The following PCDHGA7 variants were observed in gnomAD, a reference collection of about 807,000 sequenced individuals.
PCDHGA7 encodes the protein protocadherin gamma-A7.
PCDHGA7 carries 44 observed loss-of-function variants against 58.3 expected under a neutral mutation model. The observed-to-expected ratio is 0.75, with a 90% confidence interval of 0.59 to 0.97. The LOEUF (loss-of-function observed/expected upper bound fraction) is 0.97. PCDHGA7 is among the 50% of genes least tolerant of loss of function. PCDHGA7 has a pLI of 0.00. For missense variants in PCDHGA7, 1,266 were observed against 1,188.7 expected (o/e 1.06, Z -0.96); for synonymous variants, 516 against 504.2 (o/e 1.02, Z -0.31).
intron 1 of PCDHGA7, among the ~76,000 whole-genome samples, chr5:141,483,997 T>G (rs2099590025): frequency 8.6e-5 from 6 of 69,516 alleles, no homozygotes; most frequent in East Asian, 4.4e-4. Context: ...TGCTGGGAGG[T>G]CTGGATGAGG....
intron 2 of PCDHGA7, among the ~76,000 whole-genome samples, chr5:141,496,040 AT>A (rs2099765531): frequency 1.3e-5 from 2 of 150,356 alleles, no homozygotes; most frequent in Admixed American, 6.6e-5. Flanking sequence ...TCTGTCTCTC[AT>A]TTTTTTGTGC....
At chr5:141,460,159 T>A (rs1313260289) in intron 1 of PCDHGA7, among the ~76,000 whole-genome samples, 3 of 152,260 alleles carry the variant, frequency 2.0e-5, no homozygotes, top group Non-Finnish European at 1.5e-5. Context: ...CTTTGTCACA[T>A]ACATATTTTG....
rs1410460145 is a variant in PCDHGA7 at position 141,490,798 on chromosome 5, C to T, written c.2425-4009C>T. On this transcript the variant is annotated intron_variant, in intron 1 of 3. Coordinates refer to ENST00000518325, the MANE Select transcript of PCDHGA7 (RefSeq NM_018920.4). The surrounding 1 kb of genome is among the most constrained non-coding windows in gnomAD (Gnocchi z 5.4). The stretch of plus-strand genomic sequence containing the variant: ...AGAGGATGGACGGATCTTTGCCCAG[C>T]GTACCTTTGACTATGAATTGCTGCA... 9.3e-6 allele frequency: 15 copies of T among 1,613,808 alleles called. No individual in the cohort carries two copies. Among genetic ancestry groups the T allele is most frequent in the Admixed American group, 6.7e-5 (4 of 60,002 alleles).
chr5:141,510,420 G>T (rs1275392355), intron 3 of PCDHGA7, among the ~76,000 whole-genome samples: 3 of 152,126 alleles, frequency 2.0e-5, no homozygotes, highest in African/African-American at 7.2e-5. Flanking sequence ...TAAAGCCATG[G>T]TTTCATGGCT....
intron 1 of PCDHGA7, among the ~76,000 whole-genome samples, chr5:141,482,914 A>G (rs1023561837): frequency 6.6e-6 from 1 of 152,162 alleles, no homozygotes; most frequent in Non-Finnish European, 1.5e-5. Context: ...TCTATTAAAA[A>G]TACAAAAAAT....
At chr5:141,466,574 T>C (rs978880367) in intron 1 of PCDHGA7, among the ~76,000 whole-genome samples, 5 of 152,218 alleles carry the variant, frequency 3.3e-5, no homozygotes, top group Non-Finnish European at 5.9e-5. Flanking sequence ...CAACATTGTC[T>C]CATCCCTTCT....
At position 141,511,426 on chromosome 5, in the gene PCDHGA7, G is replaced by C. The variant is rs2099883789; in HGVS notation, c.*253G>C. 2.5e-6 allele frequency: 2 copies of C among 798,652 alleles called. No homozygotes were observed. The highest frequency in any genetic ancestry group is 3.8e-6 in the Non-Finnish European group (2 of 529,972). 49.5% of individuals were successfully genotyped at this position (798,652 alleles called of 1,614,324 possible). ...CAACTGCTGTACCCATGGGGGTAGTGGGGTTACTGTAGACACCAAGAACCA... is the reference window on the plus strand; with the variant it reads ...CAACTGCTGTACCCATGGGGGTAGTCGGGTTACTGTAGACACCAAGAACCA... On this transcript the variant is annotated 3_prime_UTR_variant, in exon 4 of 4. Transcript: ENST00000518325.
chr5:141,490,938 C>A lies in PCDHGA7; in HGVS notation c.2425-3869C>A. 1.2e-6 allele frequency: 2 copies of A among 1,613,672 alleles called. No individual in the cohort carries two copies. Among genetic ancestry groups the A allele is most frequent in the Non-Finnish European group, 1.7e-6 (2 of 1,179,760 alleles). On this transcript the variant is annotated intron_variant, in intron 1 of 3. Coordinates refer to ENST00000518325, the MANE Select transcript of PCDHGA7 (RefSeq NM_018920.4). The surrounding 1 kb of genome is among the most constrained non-coding windows in gnomAD (Gnocchi z 5.4). ...ATGATAATGCCCCAGCTGTGCTGCA[C>A]CCACGGCCAGACTGGGAACACTCAG... is the stretch of plus-strand genomic sequence containing the variant.
chr5:141,504,474 G>A (rs903417314), intron 2 of PCDHGA7, among the ~76,000 whole-genome samples: 1 of 152,066 alleles, frequency 6.6e-6, no homozygotes, highest in African/African-American at 2.4e-5. Context: ...TGGGATGGGA[G>A]TACAGTGGAG....
rs369595307 is a variant in PCDHGA7, at chr5:141,394,005, A to G, written c.2424+8682A>G. On this transcript the variant is annotated intron_variant, in intron 1 of 3. Coordinates refer to ENST00000518325, the MANE Select transcript of PCDHGA7 (RefSeq NM_018920.4). ...TTTACCTTTTAAATTAGAAAAGTCA[A>G]TAGGTAATTATTATAGATTAGTGAC... 52 of 1,613,340 alleles carry G rather than the reference A, an allele frequency of 3.2e-5. No individual in the cohort carries two copies. In the African/African-American group the frequency reaches 5.6e-4, roughly 17 times the overall value.
chr5:141,437,156 G>T (rs2097864365), intron 1 of PCDHGA7, among the ~76,000 whole-genome samples: 1 of 152,172 alleles, frequency 6.6e-6, no homozygotes, highest in African/African-American at 2.4e-5. Context: ...TAACATATGT[G>T]TTGATTGTTT....
intron 1 of PCDHGA7, among the ~76,000 whole-genome samples, chr5:141,429,629 C>G (rs2097230011): frequency 1.3e-5 from 2 of 152,160 alleles, no homozygotes; most frequent in Admixed American, 1.3e-4. Flanking sequence ...TATTTTCTCA[C>G]AGCTACCTAT....
chr5:141,400,454 T>C (rs779993462), intron 1 of PCDHGA7: 1 of 1,614,096 alleles, frequency 6.2e-7, no homozygotes, highest in Non-Finnish European at 8.5e-7. Flanking sequence ...CAAGACATAC[T>C]TTGTGGTGAT....
At chr5:141,472,668 C>T (rs2099292239) in intron 1 of PCDHGA7, among the ~76,000 whole-genome samples, 1 of 151,742 alleles carries the variant, frequency 6.6e-6, no homozygotes, top group African/African-American at 2.4e-5. Context: ...ATCCTGTATA[C>T]TGGTCCTTCC....
chr5:141,481,427 T>C lies in PCDHGA7; in HGVS notation c.2425-13380T>C, dbSNP rs79272909. Reference sequence around the variant, plus strand: ...TTGTATAATTAGATTGTGATGATGATTGTATCAGTTTAGTACATGTAAATA... The same window carrying C: ...TTGTATAATTAGATTGTGATGATGACTGTATCAGTTTAGTACATGTAAATA... On this transcript the variant is annotated intron_variant, in intron 1 of 3. Transcript: ENST00000518325. Among the ~76,000 whole-genome samples the C allele has an allele frequency of 6.0e-3, 907 of 152,334 alleles. 5 individuals are homozygous for C. Among genetic ancestry groups the C allele is most frequent in the African/African-American group, 0.02 (840 of 41,578 alleles).
chr5:141,403,766 G>A (rs1371539458), intron 1 of PCDHGA7: 2 of 1,613,864 alleles, frequency 1.2e-6, no homozygotes, highest in East Asian at 2.2e-5. Context: ...CCTGGATGAG[G>A]GAATCAACGG....
intron 1 of PCDHGA7, chr5:141,415,797 C>G (rs940812419): frequency 3.9e-5 from 52 of 1,331,434 alleles, no homozygotes; most frequent in Non-Finnish European, 4.8e-5. Context: ...TTCACCTAGT[C>G]TCAATCAAGG....
In PCDHGA7 at chr5:141,487,259, T is replaced by A. The variant is rs2099641960; in HGVS notation, c.2425-7548T>A. 1.9e-6 allele frequency: 3 copies of A among 1,614,014 alleles called. No individual in the cohort carries two copies. The highest frequency in any genetic ancestry group is 1.3e-5 in the African/African-American group (1 of 74,926). ...TCGTCTAACCCTCTACTTGGCTGTGTCCCTAGTGGCAATTTGCTTTGTCTC... is the reference window on the plus strand; with the variant it reads ...TCGTCTAACCCTCTACTTGGCTGTGACCCTAGTGGCAATTTGCTTTGTCTC... On this transcript the variant is annotated intron_variant, in intron 1 of 3. Coordinates refer to ENST00000518325, the MANE Select transcript of PCDHGA7 (RefSeq NM_018920.4). The surrounding 1 kb of genome is among the most constrained non-coding windows in gnomAD (Gnocchi z 5.0).
At chr5:141,429,408 T>A (rs2097213256) in intron 1 of PCDHGA7, among the ~76,000 whole-genome samples, 1 of 151,838 alleles carries the variant, frequency 6.6e-6, no homozygotes, top group Non-Finnish European at 1.5e-5. Flanking sequence ...GAGATTAAGG[T>A]CTCATTATGT....
Sources: allele counts gnomAD v4.1 joint callset (sites outside exome capture counted in the v4.1 genomes callset), GRCh38; gene constraint gnomAD v4.1.1; non-coding constraint Gnocchi (gnomAD v3.1); transcripts MANE v1.5; gene names NCBI Gene and HGNC (gene_info 2026-07-23, HGNC 2026-07-21).